Variants in MTHFD1L observed in about 807,000 individuals in gnomAD.
MTHFD1L encodes monofunctional C1-tetrahydrofolate synthase, mitochondrial.
A neutral mutation model predicts 119.5 loss-of-function variants in MTHFD1L; 81 were observed. That is an observed-to-expected ratio of 0.68 (90% CI 0.57 to 0.82). The LOEUF (loss-of-function observed/expected upper bound fraction) is 0.82, where lower values mean the gene tolerates loss of function less well. Ranked by LOEUF, MTHFD1L falls within the 40% of genes least tolerant of loss-of-function variation. The pLI is 0.00. For missense variants in MTHFD1L, 1,125 were observed against 1,253.4 expected (o/e 0.90, Z 1.55); for synonymous variants, 430 against 475.2 (o/e 0.90, Z 1.24).
intron 8 of MTHFD1L, among the ~76,000 whole-genome samples, chr6:150,917,508 T>A (rs175858): frequency 0.16 from 20,842 of 131,900 alleles, 1,595 homozygotes; most frequent in Middle Eastern, 0.26. Context: ...AAAAAAAAAA[T>A]TTTTTTAGAT....
chr6:150,951,645 T>A (rs1405084211), intron 16 of MTHFD1L, among the ~76,000 whole-genome samples: 4 of 152,196 alleles, frequency 2.6e-5, no homozygotes, highest in African/African-American at 9.6e-5. Flanking sequence ...AAGGCTCAGT[T>A]CTTGAAAACA....
At position 150,905,780 on chromosome 6, in the gene MTHFD1L, G is replaced by A. The variant is rs758501014; in HGVS notation, c.892+19G>A. Reference sequence around the variant, plus strand: ...CTGTCAGGTAAATGTCTTCACATTGGTGTTGAGCCACTGATTAGGTCAGAT... The same window carrying A: ...CTGTCAGGTAAATGTCTTCACATTGATGTTGAGCCACTGATTAGGTCAGAT... On this transcript the variant is annotated intron_variant, in intron 8 of 27. Coordinates refer to ENST00000367321, the MANE Select transcript of MTHFD1L (RefSeq NM_015440.5). The A allele has an allele frequency of 6.4e-7, 1 of 1,558,708 alleles. No individual in the cohort carries two copies. Among genetic ancestry groups the A allele is most frequent in the Non-Finnish European group, 8.9e-7 (1 of 1,129,394 alleles).
intron 26 of MTHFD1L, among the ~76,000 whole-genome samples, chr6:151,050,117 C>A (rs949228922): frequency 1.3e-5 from 2 of 152,174 alleles, no homozygotes; most frequent in African/African-American, 4.8e-5. Context: ...TTCCCCCATA[C>A]CTCGCCCTAC....
intron 10 of MTHFD1L, among the ~76,000 whole-genome samples, chr6:150,923,537 A>ATTTATTTATTTATTTC (rs1254981530): frequency 1.1e-5 from 1 of 95,208 alleles, no homozygotes; most frequent in Non-Finnish European, 2.0e-5. Flanking sequence ...TTATTTATTT[A>ATTTATTTATTTATTTC]TTTTTTCTTT....
intron 13 of MTHFD1L, among the ~76,000 whole-genome samples, chr6:150,942,746 A>G (rs1793340241): frequency 6.6e-6 from 1 of 151,906 alleles, no homozygotes; most frequent in Non-Finnish European, 1.5e-5. Flanking sequence ...ATATATATAC[A>G]TATGTAATTT....
At chr6:151,089,431 G>A (rs1461232093) in intron 26 of MTHFD1L, among the ~76,000 whole-genome samples, 3 of 152,198 alleles carry the variant, frequency 2.0e-5, no homozygotes, top group East Asian at 3.9e-4. Context: ...GTCAAACCCT[G>A]TCTCTACCAA....
chr6:150,881,206 G>A (rs1423297479), intron 4 of MTHFD1L, among the ~76,000 whole-genome samples: 1 of 152,100 alleles, frequency 6.6e-6, no homozygotes, highest in Admixed American at 6.6e-5. Flanking sequence ...TCTTCTAGTA[G>A]TTTTATGGTT....
At chr6:150,975,260 T>A (rs1776396672) in intron 20 of MTHFD1L, among the ~76,000 whole-genome samples, 1 of 152,232 alleles carries the variant, frequency 6.6e-6, no homozygotes, top group Non-Finnish European at 1.5e-5. Context: ...CACAAATACG[T>A]ACCACGGAAC....
chr6:150,886,123 A>G (rs928456658), intron 6 of MTHFD1L, among the ~76,000 whole-genome samples: 2 of 152,222 alleles, frequency 1.3e-5, no homozygotes, highest in Non-Finnish European at 2.9e-5. Flanking sequence ...GTAGCCTTAG[A>G]TAAGACTTAC....
intron 8 of MTHFD1L, among the ~76,000 whole-genome samples, chr6:150,909,489 C>T (rs957088252): frequency 6.6e-6 from 1 of 152,066 alleles, no homozygotes; most frequent in African/African-American, 2.4e-5. Context: ...ATAGTCCTCC[C>T]GCCTCCACCT....
chr6:151,054,195 T>C (rs1244095896), intron 26 of MTHFD1L, among the ~76,000 whole-genome samples: 1 of 152,134 alleles, frequency 6.6e-6, no homozygotes, highest in Non-Finnish European at 1.5e-5. Flanking sequence ...CTTATATCTT[T>C]CTTTGGAGTA....
At chr6:151,081,378 C>T (rs982914224) in intron 26 of MTHFD1L, among the ~76,000 whole-genome samples, 4 of 152,060 alleles carry the variant, frequency 2.6e-5, no homozygotes, top group East Asian at 1.9e-4. Flanking sequence ...TTGGGCTGGG[C>T]GCAGTGGCTC....
intron 26 of MTHFD1L, among the ~76,000 whole-genome samples, chr6:151,083,987 A>G (rs1793479260): frequency 6.6e-6 from 1 of 152,200 alleles, no homozygotes; most frequent in Non-Finnish European, 1.5e-5. Flanking sequence ...CGTGCTTAGC[A>G]TGGCGCCTGG....
rs182166359 is a variant in MTHFD1L, at chr6:150,962,076, G to A, written c.1944+1661G>A. 1.2e-3 allele frequency among the ~76,000 whole-genome samples: 184 copies of A among 152,044 alleles called. 2 individuals are homozygous for A. The highest frequency in any genetic ancestry group is 6.8e-3 in the Middle Eastern group (2 of 294). ...GTGATCTTGGCTCACTGCAACCTCT[G>A]CCTCCCAGATTCAAGTGATTCTCCT... is the stretch of plus-strand genomic sequence containing the variant. On this transcript the variant is annotated intron_variant, in intron 18 of 27. Transcript: ENST00000367321.
chr6:151,087,806 G>A lies in MTHFD1L; in HGVS notation c.2848-4661G>A, dbSNP rs551727546. ...TCTTTCTCCAAAATGGAGTTAACCC[G>A]AAATGGGTAGAGATTCAGAAGCTTC... is the stretch of plus-strand genomic sequence containing the variant. On this transcript the variant is annotated intron_variant, in intron 26 of 27. Transcript: ENST00000367321. Among the ~76,000 whole-genome samples, 36 of 152,296 alleles carry A rather than the reference G, an allele frequency of 2.4e-4. 1 individual carries two copies. The South Asian group carries it at 3.3e-3, about 14-fold the overall frequency.
chr6:150,954,538 A>C (rs1795326597), intron 16 of MTHFD1L, among the ~76,000 whole-genome samples: 1 of 152,102 alleles, frequency 6.6e-6, no homozygotes, highest in African/African-American at 2.4e-5. Context: ...AAATACAAAA[A>C]ATTAGCCAGG....
At chr6:151,056,790 T>G (rs916112086) in intron 26 of MTHFD1L, among the ~76,000 whole-genome samples, 2 of 152,206 alleles carry the variant, frequency 1.3e-5, no homozygotes. Flanking sequence ...GTTACAAGCC[T>G]GTGTGCTTGT....
chr6:151,017,981 T>C (rs73620635), intron 24 of MTHFD1L, among the ~76,000 whole-genome samples: 4,782 of 152,102 alleles, frequency 0.031, 275 homozygotes, highest in African/African-American at 0.11. Flanking sequence ...GAAGTGGGAT[T>C]GCTGGGTCCT....
At chr6:150,988,794 T>TG (rs1778665615) in intron 20 of MTHFD1L, among the ~76,000 whole-genome samples, 1 of 152,070 alleles carries the variant, frequency 6.6e-6, no homozygotes, top group Admixed American at 6.5e-5. Context: ...TTAGTAGAGG[T>TG]GGGGTTTCTC....
Sources: gnomAD v4.1 joint callset for allele counts (sites outside exome capture counted in the v4.1 genomes callset) on GRCh38, gnomAD v4.1.1 for gene constraint, MANE v1.5 for transcripts, NCBI Gene and HGNC (gene_info 2026-07-23, HGNC 2026-07-21) for gene names.